The following NOC3L variants were observed in gnomAD, a reference collection of about 807,000 sequenced individuals.
NOC3L encodes nucleolar complex protein 3 homolog.
A neutral mutation model predicts 102.5 loss-of-function variants in NOC3L; 85 were observed. The observed-to-expected ratio is 0.83, with a 90% CI of 0.70 to 0.99. The LOEUF is 0.99. Among genes scored for constraint, NOC3L ranks in the 50% least tolerant of loss-of-function variants. NOC3L has a pLI of 0.00. For missense variants in NOC3L, 878 were observed against 914.9 expected (o/e 0.96, Z 0.52); for synonymous variants, 303 against 309.4 (o/e 0.98, Z 0.22).
chr10:94,343,133 T>C (rs907140570), intron 13 of NOC3L, among the ~76,000 whole-genome samples: 2 of 151,568 alleles, frequency 1.3e-5, no homozygotes, highest in East Asian at 3.9e-4. Context: ...ACTACATACA[T>C]ATATAGGAGG....
rs750949535 is a variant in NOC3L at position 94,361,700 on chromosome 10, G to T, written c.182C>A (p.Pro61His). 2 of 1,613,978 alleles carry T rather than the reference G, an allele frequency of 1.2e-6. No individual in the cohort carries two copies. The highest frequency in any genetic ancestry group is 1.7e-6 in the Non-Finnish European group (2 of 1,180,010). ...QAVKDAVSKK[P>H]IPLENPKEKR... Reference sequence around the variant, plus strand: ...TTCCTTTGGGTTCTCCAATGGAATGGGTTTCTTAGACACAGCATCTTTCAC... The same window carrying T: ...TTCCTTTGGGTTCTCCAATGGAATGTGTTTCTTAGACACAGCATCTTTCAC... The change falls in exon 2 of 21, where the codon CCC (proline) becomes CAC (histidine). Residue 61 changes from proline (P) to histidine (H), a missense_variant. Physicochemically the swap from Pro to His is moderately conservative, Grantham distance 77 (BLOSUM62 -2). Transcript: ENST00000371361.
At chr10:94,315,701 C>T in the NOC3L span, among the ~76,000 whole-genome samples, 6 of 143,962 alleles carry the variant, frequency 4.2e-5, no homozygotes, top group Non-Finnish European at 7.5e-5. Flanking sequence ...CCTGGGAAGG[C>T]GGAGGTTGCA....
At chr10:94,339,705 G>T in intron 17 of NOC3L, 34 bp downstream of exon 17, 1 of 1,530,880 alleles carries the variant, frequency 6.5e-7, no homozygotes, top group South Asian at 1.2e-5. Context: ...TGCATTATAA[G>T]AACTTAGCTC....
In NOC3L at chr10:94,349,041, T is replaced by C. The variant is rs2054382114; in HGVS notation, c.1257+209A>G. Among the ~76,000 whole-genome samples, 5 of 152,094 alleles carry C rather than the reference T, an allele frequency of 3.3e-5. No homozygotes were observed. The South Asian group carries it at 1.0e-3, about 32-fold the overall frequency. On this transcript the variant is annotated intron_variant, in intron 10 of 20. Transcript: ENST00000371361. ...TTATTTTAAAATATAAGCAAGTATATATGACTATATCTGCAAAGAAAAACA... is the reference window on the plus strand; with the variant it reads ...TTATTTTAAAATATAAGCAAGTATACATGACTATATCTGCAAAGAAAAACA...
intron 4 of NOC3L, among the ~76,000 whole-genome samples, 190 bp downstream of exon 4, chr10:94,356,984 C>T (rs1189510447): frequency 6.6e-6 from 1 of 152,052 alleles, no homozygotes; most frequent in African/African-American, 2.4e-5. Flanking sequence ...TTCAGTTGTC[C>T]TCACAGTACA....
rs1335163796 is a variant in NOC3L, at chr10:94,341,872, G to A, written c.1572-127C>T. Reference sequence around the variant, plus strand: ...CGAAATGTTAGCTATGAAAGACATGGCAATTATTGATACTTTTCATTAATT... The same window carrying A: ...CGAAATGTTAGCTATGAAAGACATGACAATTATTGATACTTTTCATTAATT... On this transcript the variant is annotated intron_variant, in intron 13 of 20. Coordinates refer to ENST00000371361, the MANE Select transcript of NOC3L (RefSeq NM_022451.11). The A allele has an allele frequency of 9.8e-6, 5 of 510,758 alleles. No individual in the cohort carries two copies. The South Asian group carries it at 1.2e-4, about 13-fold the overall frequency. The allele number at this position is 510,758 out of a possible 1,614,324, so 31.6% of individuals were successfully genotyped here.
At chr10:94,336,885 A>G (rs1471092305) in intron 19 of NOC3L, among the ~76,000 whole-genome samples, 1 of 151,464 alleles carries the variant, frequency 6.6e-6, no homozygotes, top group East Asian at 2.0e-4. Context: ...CCTGGCCAGC[A>G]TGGTGAAACC....
Position 94,358,176 on chromosome 10 carries a change from GCTTCTT to G in NOC3L, c.251_256del (p.Glu84_Glu85del). On this transcript the variant is annotated inframe_deletion, in exon 3 of 21. Coordinates refer to ENST00000371361, the MANE Select transcript of NOC3L (RefSeq NM_022451.11). ...TTCATCCATCATATCTAAAGGAAGG[GCTTCTT>G]CTTCTTCCTCTTCTTCCCTCTCAAT... 2 of 1,606,334 alleles carry G rather than the reference GCTTCTT, an allele frequency of 1.2e-6. No individual in the cohort carries two copies. The highest frequency in any genetic ancestry group is 1.7e-6 in the Non-Finnish European group (2 of 1,174,902).
At chr10:94,320,191 T>C in the NOC3L span, among the ~76,000 whole-genome samples, 3 of 152,110 alleles carry the variant, frequency 2.0e-5, no homozygotes, top group Admixed American at 1.3e-4. Flanking sequence ...ATTAAGCAAG[T>C]TGTAAAACAG....
At chr10:94,329,198 T>C (rs1263889624), downstream of NOC3L, 1 of 152,226 alleles carries the variant, frequency 6.6e-6, no homozygotes, top group African/African-American at 2.4e-5. Flanking sequence ...ATACTTGCCA[T>C]TTAATGTAAA....
intron 12 of NOC3L, 24 bp from the exon 13 acceptor site, chr10:94,344,539 G>A (rs2054321911): frequency 1.3e-6 from 2 of 1,530,250 alleles, no homozygotes; most frequent in Non-Finnish European, 1.8e-6. Flanking sequence ...CAGACAAAAT[G>A]ACTTTAGGAT....
At chr10:94,327,674 A>G in the NOC3L span, among the ~76,000 whole-genome samples, 2 of 152,366 alleles carry the variant, frequency 1.3e-5, no homozygotes, top group East Asian at 1.9e-4. Context: ...AGTAGTAGTT[A>G]GCTGAAGGAA....
Position 94,337,870 on chromosome 10 carries a change from T to C in NOC3L, c.2096A>G (p.His699Arg), listed in dbSNP as rs772596049. 2 of 1,612,830 alleles carry C rather than the reference T, an allele frequency of 1.2e-6. No individual in the cohort carries two copies. Among genetic ancestry groups the C allele is most frequent in the Non-Finnish European group, 1.7e-6 (2 of 1,178,892 alleles). The change falls in exon 19 of 21, where the codon CAT becomes CGT. Residue 699 changes from histidine (H) to arginine (R), a missense_variant. Physicochemically the swap from His to Arg is conservative, Grantham distance 29. Coordinates refer to ENST00000371361, the MANE Select transcript of NOC3L (RefSeq NM_022451.11). ...AAATCTCTGCACTATGGGATGATAA[T>C]GCCTCTGAAGGGAAAACGGGACAAT... ...ALWELHALRR[H>R]YHPIVQRFAA...
Position 94,346,670 on chromosome 10 carries a change from A to G in NOC3L, c.1258-114T>C, listed in dbSNP as rs187060482. The G allele has an allele frequency of 1.0e-4, 51 of 505,578 alleles. No individual in the cohort carries two copies. The Admixed American group carries it at 2.3e-3, about 22-fold the overall frequency. 31.3% of individuals were successfully genotyped at this position (505,578 alleles called of 1,614,324 possible). A position where few individuals can be genotyped will look rare whatever the true frequency, so the allele number is the denominator to read the frequency against. On this transcript the variant is annotated intron_variant, in intron 10 of 20. Coordinates refer to ENST00000371361, the MANE Select transcript of NOC3L (RefSeq NM_022451.11). The stretch of plus-strand genomic sequence containing the variant: ...TTCCCTCGTTCATGAAAAAACCTTC[A>G]AACATCTTTTATAACATTTTACACC...
the NOC3L span, among the ~76,000 whole-genome samples, chr10:94,323,885 T>A: frequency 6.6e-6 from 1 of 152,168 alleles, no homozygotes; most frequent in South Asian, 2.1e-4. Context: ...AAAAGAGAGA[T>A]CAGTTGACTT....
chr10:94,324,885 C>T, the NOC3L span: 1 of 1,613,766 alleles, frequency 6.2e-7, no homozygotes. Context: ...GTTCTTTGTT[C>T]CCACAGGCAT....
chr10:94,333,476 C>G lies in NOC3L; in HGVS notation c.*701G>C, dbSNP rs2054182246. 1 of 152,072 alleles carries G rather than the reference C, an allele frequency of 6.6e-6. No individual in the cohort carries two copies. Among genetic ancestry groups the G allele is most frequent in the Non-Finnish European group, 1.5e-5 (1 of 68,008 alleles). The allele number at this position is 152,072 out of a possible 1,614,324, so 9.4% of individuals were successfully genotyped here. A position where few individuals can be genotyped will look rare whatever the true frequency, so the allele number is the denominator to read the frequency against. ...AAAGTCTTGGGCCTGGTTCTTCTAC[C>G]CTGGAGCAATTCTTCCCCAGTCACC... On this transcript the variant is annotated 3_prime_UTR_variant, in exon 21 of 21. Transcript: ENST00000371361.
rs1252401559 is a variant in NOC3L, at chr10:94,355,015, T to A, written c.644A>T (p.Lys215Met). The A allele has an allele frequency of 6.2e-7, 1 of 1,613,202 alleles. No individual in the cohort carries two copies. The highest frequency in any genetic ancestry group is 8.5e-7 in the Non-Finnish European group (1 of 1,179,700). The change falls in exon 6 of 21, where the codon AAG becomes ATG. Residue 215 changes from lysine (K) to methionine (M), a missense_variant. Coordinates refer to ENST00000371361, the MANE Select transcript of NOC3L (RefSeq NM_022451.11). ...IERKKKLQEK[K>M]MHIAALASAI... Reference sequence around the variant, plus strand: ...AGATGCCAAGGCTGCAATATGCATCTTCTTCTCCTGTAATTTCTTCTTTCT... The same window carrying A: ...AGATGCCAAGGCTGCAATATGCATCATCTTCTCCTGTAATTTCTTCTTTCT...
chr10:94,340,995 A>G lies in NOC3L; in HGVS notation c.1645-499T>C, dbSNP rs202075566. Among the ~76,000 whole-genome samples the G allele has an allele frequency of 5.0e-4, 74 of 147,146 alleles. 1 individual carries two copies. Among genetic ancestry groups the G allele is most frequent in the Non-Finnish European group, 5.9e-4 (39 of 66,550 alleles). On this transcript the variant is annotated intron_variant, in intron 14 of 20. Coordinates refer to ENST00000371361, the MANE Select transcript of NOC3L (RefSeq NM_022451.11). ...GACTCCCTCTCAAAAAAAAAAAAAA[A>G]AAAAATTTCTACAAAAAAATAGAAA...
Sources: gnomAD v4.1 joint callset for allele counts (sites outside exome capture counted in the v4.1 genomes callset) on GRCh38, gnomAD v4.1.1 for gene constraint, MANE v1.5 for transcripts, NCBI Gene and HGNC (gene_info 2026-07-23, HGNC 2026-07-21) for gene names.